The following DNAH2 variants were observed in gnomAD, a reference collection of about 807,000 sequenced individuals.
DNAH2 encodes the protein axonemal beta dynein heavy chain 2.
Under a neutral mutation model 523.5 loss-of-function variants are expected in DNAH2, and 323 were observed. That is an observed-to-expected ratio of 0.62 (90% confidence interval 0.56 to 0.68). DNAH2 has a LOEUF of 0.68. DNAH2 is among the 30% of genes least tolerant of loss of function. DNAH2 has a pLI of 0.00. For synonymous variants in DNAH2, 2,093 were observed against 2,177.4 expected (o/e 0.96, Z 1.08); for missense variants, 4,907 against 5,701.5 (o/e 0.86, Z 4.49).
At chr17:7,823,726 T>A in intron 74 of DNAH2, 98 bp downstream of exon 74, 1 of 1,547,592 alleles carries the variant, frequency 6.5e-7, no homozygotes, top group Non-Finnish European at 8.8e-7. Context: ...TCCCAGCTGG[T>A]GCCTGCCTCC....
chr17:7,724,310 C>T (rs2074723753), intron 3 of DNAH2, among the ~76,000 whole-genome samples: 1 of 152,068 alleles, frequency 6.6e-6, no homozygotes, highest in Non-Finnish European at 1.5e-5. Context: ...ACTGCCCAAA[C>T]ACATTTAATA....
intron 4 of DNAH2, among the ~76,000 whole-genome samples, chr17:7,729,767 T>TAA (rs2074931734): frequency 6.6e-6 from 1 of 152,152 alleles, no homozygotes; most frequent in Non-Finnish European, 1.5e-5. Context: ...TTCACTGCCT[T>TAA]AAATGAGCAC....
chr17:7,773,056 G>A (rs1304614119), intron 28 of DNAH2, among the ~76,000 whole-genome samples: 5 of 152,218 alleles, frequency 3.3e-5, no homozygotes, highest in Non-Finnish European at 2.9e-5. Flanking sequence ...TTATAGGCAT[G>A]AGCCACCACA....
chr17:7,725,440 A>ATATATATATATATATATATATTTT (rs958458949), intron 3 of DNAH2, among the ~76,000 whole-genome samples: 6 of 130,506 alleles, frequency 4.6e-5, no homozygotes, highest in African/African-American at 1.7e-4. Context: ...ATATATATAT[A>ATATATATATATATATATATATTTT]TTTTCTTTTT....
chr17:7,831,755 G>T lies in DNAH2; in HGVS notation c.12706G>T (p.Val4236Phe). The change falls in exon 82 of 86, where the codon GTT becomes TTT. Residue 4236 changes from valine (V) to phenylalanine (F), a missense_variant. By Grantham distance (50) the Val-to-Phe change is conservative. Around this residue, in one of 3 missense-constraint regions of DNAH2, gnomAD observed 1,851 missense variants for 2,139.4 expected, o/e 0.87. Transcript: ENST00000572933. The surrounding 1 kb of genome is among the most constrained non-coding windows in gnomAD (Gnocchi z 4.2). ...TTTCAATTGCATCTTTGATGCCCAT[G>T]TTCCTCCGCTCTGGGGAAAGGCAAG... The part of the protein sequence containing the change: ...EIFNCIFDAH[V>F]PPLWGKAYPS... The T allele has an allele frequency of 6.2e-7, 1 of 1,614,006 alleles. No individual in the cohort carries two copies. Among genetic ancestry groups the T allele is most frequent in the East Asian group, 2.2e-5 (1 of 44,882 alleles).
At position 7,786,583 on chromosome 17, in the gene DNAH2, A is replaced by G; in HGVS notation, c.6362A>G (p.Asn2121Ser). Reference sequence around the variant, plus strand: ...TGTCATTTTCAGGAGTTCCCTTTGAACCCCAAGGCATTGTCCCTAGGGGAA... The same window carrying G: ...TGTCATTTTCAGGAGTTCCCTTTGAGCCCCAAGGCATTGTCCCTAGGGGAA... ...NFNIVREFPLNPKALSLGELY... is the reference protein window; with the variant it reads ...NFNIVREFPLSPKALSLGELY... The change falls in exon 41 of 86, where the codon AAC (asparagine) becomes AGC (serine). Residue 2121 changes from asparagine to serine, a missense_variant. Coordinates refer to ENST00000572933, the MANE Select transcript of DNAH2 (RefSeq NM_020877.5). The surrounding 1 kb of genome is among the most constrained non-coding windows in gnomAD (Gnocchi z 7.5). The G allele has an allele frequency of 6.2e-7, 1 of 1,613,448 alleles. No individual in the cohort carries two copies. Among genetic ancestry groups the G allele is most frequent in the African/African-American group, 1.3e-5 (1 of 74,962 alleles).
intron 48 of DNAH2, 105 bp from the exon 49 acceptor site, chr17:7,794,149 C>A: frequency 1.4e-6 from 1 of 724,752 alleles, no homozygotes; most frequent in Non-Finnish European, 2.2e-6. Flanking sequence ...CCCTTTGTCC[C>A]TCCTCGCACT....
chr17:7,832,087 TATGA>T lies in DNAH2; in HGVS notation c.12726+319_12726+322del, dbSNP rs2078191375. Among the ~76,000 whole-genome samples, 1 of 152,210 alleles carries T rather than the reference TATGA, an allele frequency of 6.6e-6. No homozygotes were observed. The highest frequency in any genetic ancestry group is 6.5e-5 in the Admixed American group (1 of 15,272). Reference sequence around the variant, plus strand: ...TGGTTAATATTACTGCGGTCATTGTTATGAATGAATAGCTGTCGTTGTATGCCTC... The same window carrying T: ...TGGTTAATATTACTGCGGTCATTGTTATGAATAGCTGTCGTTGTATGCCTC... On this transcript the variant is annotated intron_variant, in intron 82 of 85. Coordinates refer to ENST00000572933, the MANE Select transcript of DNAH2 (RefSeq NM_020877.5). This position sits in a 1 kb window ranked among gnomAD's most constrained non-coding sequence, Gnocchi z 4.3.
intron 48 of DNAH2, among the ~76,000 whole-genome samples, chr17:7,793,862 T>C (rs1463544316): frequency 1.3e-5 from 2 of 152,136 alleles, no homozygotes; most frequent in African/African-American, 4.8e-5. Flanking sequence ...GCTATATTCA[T>C]GTGTGTTTGA....
intron 2 of DNAH2, among the ~76,000 whole-genome samples, chr17:7,721,845 G>T (rs970165015): frequency 1.3e-5 from 2 of 152,178 alleles, no homozygotes; most frequent in African/African-American, 4.8e-5. Flanking sequence ...TGCTCAGCAG[G>T]CCAGTGGTTT....
intron 12 of DNAH2, among the ~76,000 whole-genome samples, chr17:7,745,964 G>A (rs1201395799): frequency 6.6e-6 from 1 of 151,954 alleles, no homozygotes. Context: ...GTGACCTCAG[G>A]CGGGCCATTG....
rs879547420 is a variant in DNAH2 at position 7,793,524 on chromosome 17, CTCTT to C, written c.7569+329_7569+332del. Among the ~76,000 whole-genome samples the C allele has an allele frequency of 2.6e-4, 26 of 101,412 alleles. 3 individuals are homozygous for C. The highest frequency in any genetic ancestry group is 5.7e-4 in the South Asian group (2 of 3,520). 66.5% of individuals were successfully genotyped at this position (101,412 alleles called of 152,430 possible). On this transcript the variant is annotated intron_variant, in intron 48 of 85. Transcript: ENST00000572933. ...CTTTCTTTCTTTCTTTCTTCTCTTT[CTCTT>C]TCTTTCTTTTTCTTTCTTCTCTTTC...
In DNAH2 at chr17:7,801,619, CCAT is replaced by C; in HGVS notation, c.8744_8746del (p.Ile2915del). On this transcript the variant is annotated inframe_deletion, in exon 57 of 86. Transcript: ENST00000572933. The stretch of plus-strand genomic sequence containing the variant: ...TACCCAGCCTTGGTGAACTGCACAA[CCAT>C]CAACTGGTTCTCAGAGTGGCCCCAA... 1 of 1,614,198 alleles carries C rather than the reference CCAT, an allele frequency of 6.2e-7. No individual in the cohort carries two copies. The highest frequency in any genetic ancestry group is 8.5e-7 in the Non-Finnish European group (1 of 1,180,022).
intron 31 of DNAH2, among the ~76,000 whole-genome samples, chr17:7,776,369 G>T (rs988987005): frequency 6.6e-6 from 1 of 152,188 alleles, no homozygotes; most frequent in Non-Finnish European, 1.5e-5. Context: ...AGGAGGCCGA[G>T]GCAGAAGAAT....
chr17:7,730,130 T>TAAA (rs563065510), intron 4 of DNAH2, among the ~76,000 whole-genome samples: 1 of 124,890 alleles, frequency 8.0e-6, no homozygotes, highest in African/African-American at 3.1e-5. Flanking sequence ...GGGATTCAAT[T>TAAA]AAAAAAAAAA....
intron 15 of DNAH2, 35 bp from the exon 16 acceptor site, chr17:7,759,387 G>A: frequency 1.3e-6 from 2 of 1,579,544 alleles, no homozygotes; most frequent in Admixed American, 1.8e-5. Context: ...TGTCTTCCCT[G>A]AAAAGTTCTC....
At chr17:7,772,956 T>G (rs2076358003) in intron 28 of DNAH2, among the ~76,000 whole-genome samples, 1 of 152,116 alleles carries the variant, frequency 6.6e-6, no homozygotes, top group Non-Finnish European at 1.5e-5. Flanking sequence ...ATTTTTTTAG[T>G]AGAGACGGTG....
At position 7,819,242 on chromosome 17, in the gene DNAH2, C is replaced by G; in HGVS notation, c.10849C>G (p.Leu3617Val). The G allele has an allele frequency of 6.2e-7, 1 of 1,614,070 alleles. No homozygotes were observed. Among genetic ancestry groups the G allele is most frequent in the South Asian group, 1.1e-5 (1 of 91,090 alleles). ...CCCATGCGCCCAGCGGGCATCAATC[C>G]TGTTCTTCGTGCTCAATGATATGGG... is the stretch of plus-strand genomic sequence containing the variant. Reference protein sequence around the residue: ...YRPCAQRASILFFVLNDMGCI... With the variant: ...YRPCAQRASIVFFVLNDMGCI... The change falls in exon 72 of 86, where the codon CTG (leucine) becomes GTG (valine). Residue 3617 changes from leucine (L) to valine (V), a missense_variant. Coordinates refer to ENST00000572933, the MANE Select transcript of DNAH2 (RefSeq NM_020877.5).
chr17:7,740,581 C>A (rs370675990), intron 10 of DNAH2, 32 bp downstream of exon 10: 1 of 1,608,766 alleles, frequency 6.2e-7, no homozygotes, highest in Non-Finnish European at 8.5e-7. Context: ...CTCGGCTTCC[C>A]GTCCCGCGTG....
Sources: gnomAD v4.1 joint callset for allele counts (sites outside exome capture counted in the v4.1 genomes callset) on GRCh38, gnomAD v4.1.1 for gene constraint, gnomAD v4.1.1 regional missense constraint, Gnocchi (gnomAD v3.1) non-coding constraint, MANE v1.5 for transcripts, NCBI Gene and HGNC (gene_info 2026-07-23, HGNC 2026-07-21) for gene names.